The following DST variants were observed in gnomAD, a reference collection of about 807,000 sequenced individuals.
DST encodes the protein bullous pemphigoid antigen.
In DST, 253 loss-of-function variants were observed where a neutral mutation model predicts 875.2. The ratio of observed to expected loss-of-function variants is 0.29; its 90% CI spans 0.26 to 0.32. The LOEUF is 0.32. Among genes scored for constraint, DST ranks in the 10% least tolerant of loss-of-function variants. The probability of loss-of-function intolerance (pLI) is 1.00; values close to 1 mark genes in which losing one functional copy is unlikely to be tolerated. For synonymous variants in DST, 3,124 were observed against 3,197.1 expected (o/e 0.98, Z 0.77); for missense variants, 8,287 against 9,111.6 (o/e 0.91, Z 3.68).
At chr6:56,882,066 G>A (rs996191439) in intron 3 of DST, among the ~76,000 whole-genome samples, 4 of 152,136 alleles carry the variant, frequency 2.6e-5, no homozygotes, top group African/African-American at 9.7e-5. Context: ...TGGGACAAAC[G>A]TTTATGCTCA....
At position 56,699,679 on chromosome 6, in the gene DST, T is replaced by C; in HGVS notation, c.1021A>G (p.Ile341Val). 1.3e-6 allele frequency: 2 copies of C among 1,530,542 alleles called. No individual in the cohort carries two copies. The highest frequency in any genetic ancestry group is 1.8e-6 in the Non-Finnish European group (2 of 1,141,234). 94.8% of individuals were successfully genotyped at this position (1,530,542 alleles called of 1,614,324 possible). A position where few individuals can be genotyped will look rare whatever the true frequency, so the allele number is the denominator to read the frequency against. ...TGAAAGTGCAAAATTATTGTCCAGA[T>C]TAATCCCAAAGTCAATTTGGGATTT... ...DGNPKLTLGLIWTIILHFQIS... is the reference protein window; with the variant it reads ...DGNPKLTLGLVWTIILHFQIS... The change falls in exon 9 of 104, where the codon ATC (isoleucine) becomes GTC (valine). Residue 341 changes from isoleucine to valine, a missense_variant. Ile to Val is a conservative substitution (Grantham distance 29). Transcript: ENST00000680361.
At chr6:56,934,171 G>T (rs1054419590) in intron 2 of DST, among the ~76,000 whole-genome samples, 2 of 151,944 alleles carry the variant, frequency 1.3e-5, no homozygotes, top group African/African-American at 2.4e-5. Context: ...TCTTTCTAGC[G>T]ATTGCCTTCA....
At position 56,569,909 on chromosome 6, in the gene DST, C is replaced by T. The variant is rs1031797194; in HGVS notation, c.13825G>A (p.Val4609Ile). 5 of 1,612,322 alleles carry T rather than the reference C, an allele frequency of 3.1e-6. No homozygotes were observed. The highest frequency in any genetic ancestry group is 4.2e-6 in the Non-Finnish European group (5 of 1,179,276). The change falls in exon 54 of 104, where the codon GTA (valine) becomes ATA (isoleucine). Residue 4609 changes from valine (V) to isoleucine (I), a missense_variant. By Grantham distance (29) the Val-to-Ile change is conservative. Coordinates refer to ENST00000680361, the MANE Select transcript of DST (RefSeq NM_001374736.1). The stretch of plus-strand genomic sequence containing the variant: ...TCCTCTGCACCAAAAGAAGGCTGTA[C>T]AATGGGAACTTTTTTTGTTGTTTCT... ...IKETTKKVPI[V>I]QPSFGAEDLG... is the part of the protein sequence containing the mutation.
intron 81 of DST, 103 bp downstream of exon 81, chr6:56,497,753 A>C: frequency 9.0e-7 from 1 of 1,111,432 alleles, no homozygotes; most frequent in Non-Finnish European, 1.3e-6. Flanking sequence ...TCCTCTCCTT[A>C]AGGTATAAAA....
Position 56,497,490 on chromosome 6 carries a change from G to A in DST, c.20112C>T (p.Gly6704=), listed in dbSNP as rs778633532. The change falls in exon 82 of 104, where the codon GGC becomes GGT. Residue 6704 remains glycine (G), a synonymous_variant. Coordinates refer to ENST00000680361, the MANE Select transcript of DST (RefSeq NM_001374736.1). ...GALRQAKGFH[G]EIEDLQQWLT... The stretch of plus-strand genomic sequence containing the variant: ...GCCACTGCTGCAAATCCTCAATTTC[G>A]CCATGGAACCCTTTGGCCTGAAGTA... 1.4e-5 allele frequency: 23 copies of A among 1,612,572 alleles called. No homozygotes were observed. The highest frequency in any genetic ancestry group is 6.7e-5 in the East Asian group (3 of 44,852).
chr6:56,940,178 C>T (rs1815610617), intron 2 of DST, among the ~76,000 whole-genome samples: 1 of 143,898 alleles, frequency 6.9e-6, no homozygotes, highest in Admixed American at 7.2e-5. Context: ...AAATAAATTC[C>T]ACATTACCCC....
At chr6:56,560,487 G>A in intron 57 of DST, 64 bp from the exon 58 acceptor site, 1 of 1,437,522 alleles carries the variant, frequency 7.0e-7, no homozygotes, top group Non-Finnish European at 9.4e-7. Flanking sequence ...AATAATGATA[G>A]AGCATTATTT....
At chr6:56,490,814 G>C (rs2095711695) in intron 85 of DST, among the ~76,000 whole-genome samples, 1 of 152,134 alleles carries the variant, frequency 6.6e-6, no homozygotes, top group African/African-American at 2.4e-5. Flanking sequence ...AAGTTCTGAG[G>C]CTGGTTCTGC....
At chr6:56,767,076 T>C (rs2099635328) in intron 4 of DST, among the ~76,000 whole-genome samples, 1 of 152,230 alleles carries the variant, frequency 6.6e-6, no homozygotes, top group Non-Finnish European at 1.5e-5. Flanking sequence ...TGGCTTGGTT[T>C]CAGTTTTCAG....
In DST at chr6:56,632,993, A is replaced by G. The variant is rs756363748; in HGVS notation, c.3666T>C (p.Asn1222=). Residue 1222 remains asparagine (N), a synonymous_variant, in exon 28 of 104, where the codon AAT becomes AAC. Transcript: ENST00000680361. ...LPGEHQQVLS[N]LQSRFEDFLE... is the part of the protein sequence containing the mutation. ...GAAAATCTTCAAAACGAGATTGTAG[A>G]TTACTTAGAACTTGCTGATGTTCAC... is the stretch of plus-strand genomic sequence containing the variant. 22 of 1,614,014 alleles carry G rather than the reference A, an allele frequency of 1.4e-5. No individual in the cohort carries two copies. The East Asian group carries it at 2.9e-4, about 21-fold the overall frequency.
chr6:56,869,628 CAT>C (rs1241311575), intron 3 of DST, among the ~76,000 whole-genome samples: 2 of 151,894 alleles, frequency 1.3e-5, no homozygotes, highest in African/African-American at 4.8e-5. Flanking sequence ...AGCTGATTCT[CAT>C]GTGTATTTTA....
At chr6:56,875,039 A>C (rs947428108) in intron 3 of DST, among the ~76,000 whole-genome samples, 1 of 152,218 alleles carries the variant, frequency 6.6e-6, no homozygotes, top group African/African-American at 2.4e-5. Flanking sequence ...GCTGAAGTGC[A>C]GTGGCGCGAT....
At chr6:56,729,417 C>G (rs921037758) in intron 5 of DST, among the ~76,000 whole-genome samples, 2 of 151,896 alleles carry the variant, frequency 1.3e-5, no homozygotes, top group African/African-American at 4.8e-5. Flanking sequence ...ATGAAGAAAC[C>G]CCGTCTCTAC....
At chr6:56,469,050 T>C in intron 97 of DST, 51 bp from the exon 98 acceptor site, 1 of 1,450,166 alleles carries the variant, frequency 6.9e-7, no homozygotes, top group East Asian at 2.4e-5. Flanking sequence ...AACAGGAAAC[T>C]TTCTGTATGA....
chr6:56,875,967 G>A (rs916276485), intron 3 of DST, among the ~76,000 whole-genome samples: 6 of 152,024 alleles, frequency 3.9e-5, no homozygotes, highest in African/African-American at 1.2e-4. Flanking sequence ...AACTCCTCAC[G>A]AAAGTGCCAT....
chr6:56,515,138 T>C (rs1426770320), intron 72 of DST, among the ~76,000 whole-genome samples: 2 of 152,218 alleles, frequency 1.3e-5, no homozygotes. Flanking sequence ...TGTGTGTAAA[T>C]TGAAAGCACT....
chr6:56,795,978 A>T (rs998442687), intron 4 of DST, among the ~76,000 whole-genome samples: 12 of 152,190 alleles, frequency 7.9e-5, no homozygotes, highest in African/African-American at 2.7e-4. Flanking sequence ...TGTCAAAACA[A>T]GGTTGTAATC....
chr6:56,606,468 T>C lies in DST; in HGVS notation c.8160A>G (p.Ser2720=). Reference sequence around the variant, plus strand: ...ATTCCCTTTCTGATCCAGTTTCCAGTGACTGTCCATTCACCTTATCTGAGC... The same window carrying C: ...ATTCCCTTTCTGATCCAGTTTCCAGCGACTGTCCATTCACCTTATCTGAGC... ...PVGSDKVNGQ[S]LETGSERECT... is the part of the protein sequence containing the mutation. Residue 2720 remains serine (S), a synonymous_variant, in exon 40 of 104, where the codon TCA becomes TCG. Transcript: ENST00000680361. The C allele has an allele frequency of 6.2e-7, 1 of 1,613,458 alleles. No homozygotes were observed. The highest frequency in any genetic ancestry group is 1.1e-5 in the South Asian group (1 of 91,062).
chr6:56,646,613 T>C (rs1015510174), intron 13 of DST, among the ~76,000 whole-genome samples: 3 of 150,450 alleles, frequency 2.0e-5, no homozygotes, highest in African/African-American at 7.3e-5. Context: ...CATGGTTCTA[T>C]CCTTCAAAAA....
Sources: gnomAD v4.1 joint callset for allele counts (sites outside exome capture counted in the v4.1 genomes callset) on GRCh38, gnomAD v4.1.1 for gene constraint, MANE v1.5 for transcripts, NCBI Gene and HGNC (gene_info 2026-07-23, HGNC 2026-07-21) for gene names.